The following TRIM37 variants were observed in gnomAD, a reference collection of about 807,000 sequenced individuals.
The protein encoded by TRIM37 is E3 ubiquitin-protein ligase TRIM37.
Under a neutral mutation model 129.8 loss-of-function variants are expected in TRIM37, and 80 were observed. The ratio of observed to expected loss-of-function variants is 0.62; its 90% confidence interval spans 0.51 to 0.74. TRIM37 has a LOEUF of 0.74. Among genes scored for constraint, TRIM37 ranks in the 30% least tolerant of loss-of-function variants. TRIM37 has a pLI of 0.00. For synonymous variants in TRIM37, 389 were observed against 387.1 expected, an observed-to-expected ratio of 1.00 and a Z score of -0.06; for missense variants, 1,054 against 1,176.5, an observed-to-expected ratio of 0.90 and a Z score of 1.52.
intron 24 of TRIM37, among the ~76,000 whole-genome samples, chr17:58,986,083 A>T (rs946573474): frequency 2.6e-5 from 4 of 152,186 alleles, no homozygotes; most frequent in African/African-American, 9.7e-5. Flanking sequence ...AATCATTTGA[A>T]CATCATAGAA....
intron 22 of TRIM37, 85 bp from the exon 23 acceptor site, chr17:59,001,799 A>G: frequency 6.5e-7 from 1 of 1,548,256 alleles, no homozygotes; most frequent in Non-Finnish European, 8.7e-7. Flanking sequence ...TGCTAAACTG[A>G]GATTCCTATT....
chr17:59,094,614 TA>T (rs796756986), intron 2 of TRIM37, among the ~76,000 whole-genome samples: 8 of 146,208 alleles, frequency 5.5e-5, no homozygotes, highest in East Asian at 4.0e-4. Context: ...AAGATAATCT[TA>T]AAAAAAAAAC....
At chr17:59,006,388 T>C (rs1467422987) in intron 22 of TRIM37, among the ~76,000 whole-genome samples, 1 of 152,250 alleles carries the variant, frequency 6.6e-6, no homozygotes, top group Non-Finnish European at 1.5e-5. Flanking sequence ...TAAAGCTAAC[T>C]TGAGTTATAA....
intron 19 of TRIM37, 93 bp from the exon 20 acceptor site, chr17:59,017,517 A>G (rs2036100864): frequency 4.5e-6 from 7 of 1,550,960 alleles, no homozygotes; most frequent in South Asian, 3.4e-5. Flanking sequence ...CTTACCTTGC[A>G]TGGAAGCTGT....
chr17:58,973,421 A>T, the TRIM37 span, among the ~76,000 whole-genome samples: 2 of 151,936 alleles, frequency 1.3e-5, no homozygotes, highest in Admixed American at 6.6e-5. Context: ...TCTCAAAAAA[A>T]AAAAAAAAGA....
At position 58,999,478 on chromosome 17, in the gene TRIM37, T is replaced by C. The variant is rs1282251322; in HGVS notation, c.2813-19A>G. ...TGTGTATCTATGATTAAAAAATAAA[T>C]AAAAAATTTAAAATTTAAAAGCATA... On this transcript the variant is annotated intron_variant, in intron 23 of 23. Transcript: ENST00000262294. 2.5e-6 allele frequency: 4 copies of C among 1,579,258 alleles called. No individual in the cohort carries two copies. In the African/African-American group the frequency reaches 5.5e-5, roughly 22 times the overall value.
intron 19 of TRIM37, among the ~76,000 whole-genome samples, chr17:59,021,096 T>A (rs1025100599): frequency 6.6e-6 from 1 of 152,066 alleles, no homozygotes; most frequent in Admixed American, 6.6e-5. Flanking sequence ...GACAAATGGA[T>A]AAAGAAAATG....
chr17:59,031,846 C>A (rs1292711222), intron 18 of TRIM37, 50 bp downstream of exon 18: 1 of 1,582,992 alleles, frequency 6.3e-7, no homozygotes, highest in South Asian at 1.1e-5. Context: ...TCCAAGAGTT[C>A]TTTTAGAGAA....
chr17:59,101,080 A>G (rs1174425786), intron 2 of TRIM37, among the ~76,000 whole-genome samples: 1 of 152,044 alleles, frequency 6.6e-6, no homozygotes, highest in Non-Finnish European at 1.5e-5. Context: ...AAATATGTGT[A>G]GTTTACTGCA....
chr17:59,050,044 C>G (rs2040191860), intron 14 of TRIM37, among the ~76,000 whole-genome samples: 1 of 152,182 alleles, frequency 6.6e-6, no homozygotes, highest in Admixed American at 6.5e-5. Context: ...TCTCAGCACT[C>G]CAAACCTCCT....
chr17:59,043,616 C>T (rs892303952), intron 16 of TRIM37, among the ~76,000 whole-genome samples: 8 of 152,178 alleles, frequency 5.3e-5, no homozygotes, highest in South Asian at 2.1e-4. Flanking sequence ...CAGGCACACA[C>T]GGCCAAGAGG....
intron 13 of TRIM37, among the ~76,000 whole-genome samples, chr17:59,055,170 C>CTAAAAGTACAAAAT (rs2040718201): frequency 6.6e-6 from 1 of 151,620 alleles, no homozygotes; most frequent in Admixed American, 6.6e-5. Flanking sequence ...AACCCCATCT[C>CTAAAAGTACAAAAT]TACTAAAAGT....
intron 19 of TRIM37, among the ~76,000 whole-genome samples, chr17:59,023,515 C>T (rs566688058): frequency 4.6e-5 from 7 of 151,934 alleles, no homozygotes; most frequent in East Asian, 2.0e-4. Flanking sequence ...ATTAGCCAGG[C>T]GTGGTGGCAG....
At chr17:59,020,230 C>CAAAA (rs58159558) in intron 19 of TRIM37, among the ~76,000 whole-genome samples, 4 of 32,056 alleles carry the variant, frequency 1.2e-4, no homozygotes, top group Non-Finnish European at 1.5e-4. Context: ...GACTCTGTCT[C>CAAAA]AAAAAAAAAA....
intron 14 of TRIM37, among the ~76,000 whole-genome samples, chr17:59,050,952 C>A (rs1392177796): frequency 6.6e-6 from 1 of 152,024 alleles, no homozygotes; most frequent in Non-Finnish European, 1.5e-5. Flanking sequence ...TGCACTCCAG[C>A]CTGGGCAACA....
chr17:59,036,446 G>GT (rs1319397181), intron 17 of TRIM37, among the ~76,000 whole-genome samples: 1,354 of 126,520 alleles, frequency 0.011, 22 homozygotes, highest in African/African-American at 0.034. Flanking sequence ...TATTTGCTGG[G>GT]GGTGTGTGTG....
the TRIM37 span, among the ~76,000 whole-genome samples, chr17:58,968,237 C>A: frequency 3.3e-5 from 5 of 152,074 alleles, no homozygotes; most frequent in African/African-American, 1.2e-4. Flanking sequence ...ATATTTGATA[C>A]TTTTGTGAAT....
intron 4 of TRIM37, among the ~76,000 whole-genome samples, chr17:59,086,801 G>A (rs897092832): frequency 1.3e-5 from 2 of 152,116 alleles, no homozygotes; most frequent in African/African-American, 4.8e-5. Flanking sequence ...TTCACTTGCA[G>A]CAAGGGGAGG....
chr17:59,089,460 G>A (rs2044084964), intron 3 of TRIM37, among the ~76,000 whole-genome samples: 1 of 152,088 alleles, frequency 6.6e-6, no homozygotes, highest in Admixed American at 6.6e-5. Flanking sequence ...GGCCAACATG[G>A]TGAAACGCTG....
Sources: gnomAD v4.1 joint callset for allele counts (sites outside exome capture counted in the v4.1 genomes callset) on GRCh38, gnomAD v4.1.1 for gene constraint, MANE v1.5 for transcripts, NCBI Gene and HGNC (gene_info 2026-07-23, HGNC 2026-07-21) for gene names.